The following DGKB variants were observed in gnomAD, a reference collection of about 807,000 sequenced individuals.
DGKB encodes diacylglycerol kinase beta, also known as 90 kDa diacylglycerol kinase.
DGKB carries 67 observed loss-of-function variants against 114.3 expected under a neutral mutation model. The observed-to-expected ratio is 0.59, with a 90% CI of 0.48 to 0.72. The LOEUF is 0.72. Among genes scored for constraint, DGKB ranks in the 30% least tolerant of loss-of-function variants. The pLI is 0.00. For synonymous variants in DGKB, 398 were observed against 323.1 expected (o/e 1.23, Z -2.49); for missense variants, 907 against 975.2 (o/e 0.93, Z 0.93).
At chr7:14,483,476 C>G (rs1396808796) in intron 20 of DGKB, among the ~76,000 whole-genome samples, 1 of 152,020 alleles carries the variant, frequency 6.6e-6, no homozygotes, top group African/African-American at 2.4e-5. Flanking sequence ...AAGTTGATGA[C>G]GTAAAGGACT....
chr7:14,492,320 G>A lies in DGKB; in HGVS notation c.1771-14095C>T, dbSNP rs6970205. 9.7e-3 allele frequency among the ~76,000 whole-genome samples: 1,481 copies of A among 152,008 alleles called. 26 individuals are homozygous for A. The highest frequency in any genetic ancestry group is 0.032 in the African/African-American group (1,348 of 41,482). On this transcript the variant is annotated intron_variant, in intron 20 of 25. Coordinates refer to ENST00000402815, the MANE Select transcript of DGKB (RefSeq NM_001350709.2). ...TCAAATCTTGTTGAGGGAGTGAGGA[G>A]GTAGCTATTGTCTAGGGTGGGGGGT...
chr7:14,973,349 G>A (rs1787589340), intron 1 of DGKB, among the ~76,000 whole-genome samples: 1 of 151,572 alleles, frequency 6.6e-6, no homozygotes, highest in Non-Finnish European at 1.5e-5. Flanking sequence ...GCCACAGTCA[G>A]TATAAGTTAG....
intron 1 of DGKB, among the ~76,000 whole-genome samples, chr7:14,935,219 G>A (rs1785213653): frequency 1.3e-5 from 2 of 152,084 alleles, no homozygotes; most frequent in African/African-American, 4.8e-5. Flanking sequence ...ACAAAAAAGA[G>A]AGCATTTATT....
At chr7:14,828,568 A>T (rs1203378328) in intron 2 of DGKB, among the ~76,000 whole-genome samples, 1 of 152,082 alleles carries the variant, frequency 6.6e-6, no homozygotes, top group Non-Finnish European at 1.5e-5. Flanking sequence ...ACTATCTGAG[A>T]GAGTATTTAG....
At chr7:14,444,544 C>T (rs1830484326) in intron 21 of DGKB, among the ~76,000 whole-genome samples, 1 of 151,766 alleles carries the variant, frequency 6.6e-6, no homozygotes, top group Admixed American at 6.6e-5. Context: ...CTTCAGTTTC[C>T]TAATCTAGAA....
chr7:14,723,759 A>T (rs1829613051), intron 5 of DGKB, among the ~76,000 whole-genome samples: 1 of 152,180 alleles, frequency 6.6e-6, no homozygotes. Context: ...ATACATACAC[A>T]CATACACATT....
At chr7:14,656,878 A>C (rs1563814685) in intron 13 of DGKB, among the ~76,000 whole-genome samples, 2 of 151,700 alleles carry the variant, frequency 1.3e-5, no homozygotes, top group Admixed American at 6.6e-5. Context: ...AATTGTCTAC[A>C]ACACTTGAAC....
chr7:14,236,693 A>C (rs1043776804), intron 23 of DGKB, among the ~76,000 whole-genome samples: 4 of 152,026 alleles, frequency 2.6e-5, no homozygotes, highest in Admixed American at 2.0e-4. Context: ...ATTAGAAACA[A>C]GTAATTCAAT....
chr7:14,313,699 TGGGGGAG>T (rs1018266242), intron 23 of DGKB, among the ~76,000 whole-genome samples: 2 of 151,734 alleles, frequency 1.3e-5, no homozygotes, highest in African/African-American at 2.4e-5. Flanking sequence ...GCAGCGAGGC[TGGGGGAG>T]GGGCGCCCGC....
chr7:14,483,501 T>C (rs1783305391), intron 20 of DGKB, among the ~76,000 whole-genome samples: 1 of 152,160 alleles, frequency 6.6e-6, no homozygotes, highest in Non-Finnish European at 1.5e-5. Flanking sequence ...CATTTGGGGA[T>C]ATCAAGAAGA....
intron 23 of DGKB, among the ~76,000 whole-genome samples, chr7:14,286,358 G>A (rs1332732935): frequency 2.0e-5 from 3 of 152,068 alleles, no homozygotes; most frequent in Non-Finnish European, 4.4e-5. Flanking sequence ...GCATGGTGAC[G>A]ATATCAATTT....
In DGKB at chr7:14,580,957, G is replaced by T. The variant is rs748092620; in HGVS notation, c.1520-6C>A. 6.4e-6 allele frequency: 10 copies of T among 1,567,802 alleles called. No individual in the cohort carries two copies. In the African/African-American group the frequency reaches 1.1e-4, roughly 17 times the overall value. On this transcript the variant is annotated splice_polypyrimidine_tract_variant and splice_region_variant and intron_variant, in intron 18 of 25. Coordinates refer to ENST00000402815, the MANE Select transcript of DGKB (RefSeq NM_001350709.2). Reference sequence around the variant, plus strand: ...CTTGCCTACATTGGCCTTTTCTGCAGAATAAAAAAAAATACAAATAAAGAA... The same window carrying T: ...CTTGCCTACATTGGCCTTTTCTGCATAATAAAAAAAAATACAAATAAAGAA...
chr7:14,538,244 A>C (rs1037076245), intron 20 of DGKB, among the ~76,000 whole-genome samples: 15 of 152,242 alleles, frequency 9.9e-5, no homozygotes, highest in African/African-American at 3.6e-4. Context: ...AAAATATATA[A>C]GGAACTCCTA....
intron 21 of DGKB, among the ~76,000 whole-genome samples, chr7:14,407,980 C>T (rs938716759): frequency 2.0e-5 from 3 of 152,044 alleles, no homozygotes; most frequent in African/African-American, 7.2e-5. Flanking sequence ...CAGAAACTAC[C>T]CTCCCCCAAT....
intron 1 of DGKB, among the ~76,000 whole-genome samples, chr7:14,868,043 A>ACAGCGATCTTCAAGACAGAACCGGGAT (rs1851929518): frequency 6.6e-6 from 1 of 152,126 alleles, no homozygotes; most frequent in Non-Finnish European, 1.5e-5. Flanking sequence ...CGTGGATTGA[A>ACAGCGATCTTCAAGACAGAACCGGGAT]TCCCAATTTT....
At chr7:14,710,124 T>C (rs1827104971) in intron 6 of DGKB, among the ~76,000 whole-genome samples, 1 of 152,130 alleles carries the variant, frequency 6.6e-6, no homozygotes, top group South Asian at 2.1e-4. Flanking sequence ...GGAGAATCTT[T>C]AAAATGCTGA....
intron 21 of DGKB, among the ~76,000 whole-genome samples, chr7:14,382,829 G>A (rs1324447051): frequency 6.6e-6 from 1 of 152,210 alleles, no homozygotes; most frequent in Admixed American, 6.5e-5. Flanking sequence ...GGCCCATGGT[G>A]GTGACCCCCA....
chr7:14,925,401 T>C (rs574679072), intron 1 of DGKB, among the ~76,000 whole-genome samples: 1 of 152,308 alleles, frequency 6.6e-6, no homozygotes, highest in East Asian at 1.9e-4. Context: ...TTTTTACTGA[T>C]GAGTTTGGAG....
intron 23 of DGKB, among the ~76,000 whole-genome samples, chr7:14,206,281 T>A (rs1353425272): frequency 1.3e-5 from 2 of 151,844 alleles, no homozygotes; most frequent in African/African-American, 4.8e-5. Flanking sequence ...GGAAGAAAAA[T>A]TAACCAACCT....
Sources: allele counts gnomAD v4.1 joint callset (sites outside exome capture counted in the v4.1 genomes callset), GRCh38; gene constraint gnomAD v4.1.1; transcripts MANE v1.5; gene names NCBI Gene and HGNC (gene_info 2026-07-23, HGNC 2026-07-21).